INPP4A: variants seen among roughly 807,000 people sequenced by gnomAD.
The protein encoded by INPP4A is inositol polyphosphate-4-phosphatase type I A, also known as inositol polyphosphate-4-phosphatase, type I, 107kD.
INPP4A carries 33 observed loss-of-function variants against 119.8 expected under a neutral mutation model. That is an observed-to-expected ratio of 0.28 (90% CI 0.21 to 0.37). The LOEUF is 0.37. Ranked by LOEUF, INPP4A falls within the 10% of genes least tolerant of loss-of-function variation. The pLI is 1.00. For missense variants in INPP4A, 956 were observed against 1,289.9 expected, an observed-to-expected ratio of 0.74 and a Z score of 3.97; for synonymous variants, 496 against 500.7, an observed-to-expected ratio of 0.99 and a Z score of 0.12.
chr2:98,583,578 A>G (rs529230015), intron 24 of INPP4A, among the ~76,000 whole-genome samples: 5 of 152,174 alleles, frequency 3.3e-5, no homozygotes, highest in African/African-American at 7.2e-5. Flanking sequence ...TCCAGTTCAT[A>G]TTATGTTGTG....
At position 98,520,186 on chromosome 2, in the gene INPP4A, G is replaced by A. The variant is rs1686914745; in HGVS notation, c.106+32G>A. On this transcript the variant is annotated intron_variant, in intron 3 of 24. Transcript: ENST00000409851. ...CTCACAGGGCCTGCACCGGGCTCCA[G>A]GTATGAGCTCACAGCACCTGGGCTC... is the stretch of plus-strand genomic sequence containing the variant. The A allele has an allele frequency of 5.3e-6, 8 of 1,505,122 alleles. No homozygotes were observed. The East Asian group carries it at 1.2e-4, about 23-fold the overall frequency. 93.2% of individuals were successfully genotyped at this position (1,505,122 alleles called of 1,614,324 possible).
intron 1 of INPP4A, among the ~76,000 whole-genome samples, chr2:98,488,174 T>C (rs1478763535): frequency 6.6e-6 from 1 of 152,154 alleles, no homozygotes; most frequent in African/African-American, 2.4e-5. Context: ...TTTGAGTACT[T>C]CCTTATTGGC....
In INPP4A at chr2:98,546,177, C is replaced by G; in HGVS notation, c.1054+104C>G. On this transcript the variant is annotated intron_variant, in intron 12 of 24. Coordinates refer to ENST00000409851, the MANE Select transcript of INPP4A (RefSeq NM_001134225.2). This position sits in a 1 kb window ranked among gnomAD's most constrained non-coding sequence, Gnocchi z 4.2. ...ACATCTGCCCATTTCCCTGTGTGCT[C>G]TGGGCGGCTCGGAGGAGAGATTTGT... 1 of 778,852 alleles carries G rather than the reference C, an allele frequency of 1.3e-6. No homozygotes were observed. The highest frequency in any genetic ancestry group is 2.4e-5 in the Admixed American group (1 of 41,420). The allele number at this position is 778,852 out of a possible 1,614,324, so 48.2% of individuals were successfully genotyped here.
intron 3 of INPP4A, among the ~76,000 whole-genome samples, chr2:98,520,391 G>A (rs1686956177): frequency 6.6e-6 from 1 of 152,200 alleles, no homozygotes. Context: ...TTTGGTGGCA[G>A]GGGCACCACC....
At chr2:98,453,408 G>C (rs539361508) in intron 1 of INPP4A, among the ~76,000 whole-genome samples, 16 of 152,204 alleles carry the variant, frequency 1.1e-4, no homozygotes, top group Non-Finnish European at 2.1e-4. Flanking sequence ...ATCCAAGTAC[G>C]TTTCCTATGG....
intron 13 of INPP4A, among the ~76,000 whole-genome samples, chr2:98,550,662 T>C (rs1453625713): frequency 2.0e-5 from 3 of 152,176 alleles, no homozygotes; most frequent in African/African-American, 7.2e-5. Context: ...TAAAACTAGG[T>C]AGTTGAGCAC....
intron 4 of INPP4A, among the ~76,000 whole-genome samples, chr2:98,528,843 C>T (rs1029580833): frequency 1.6e-4 from 24 of 151,928 alleles, no homozygotes; most frequent in African/African-American, 5.1e-4. Flanking sequence ...TTTGGGAGGC[C>T]GAGGCAGGCA....
rs1026153220 is a variant in INPP4A, at chr2:98,536,203, A to G, written c.462A>G (p.Thr154=). The G allele has an allele frequency of 5.0e-6, 8 of 1,597,164 alleles. No individual in the cohort carries two copies. The African/African-American group carries it at 5.4e-5, about 11-fold the overall frequency. Residue 154 remains threonine (T), a synonymous_variant, in exon 7 of 25, where the codon ACA becomes ACG. Coordinates refer to ENST00000409851, the MANE Select transcript of INPP4A (RefSeq NM_001134225.2). ...ACAGGCATCATAGGTTGCATTTAAC[A>G]CTAAGGTTGGTATTCAGTTTTATTC... ...LQDRHHRLHL[T]LRSAESDRVG...
chr2:98,558,294 TC>T (rs1694845569), intron 16 of INPP4A, among the ~76,000 whole-genome samples: 1 of 152,152 alleles, frequency 6.6e-6, no homozygotes, highest in Admixed American at 6.5e-5. Context: ...AAGCTCAGAA[TC>T]CTAGAAGAGG....
In INPP4A at chr2:98,572,912, C is replaced by G. The variant is rs1248307494; in HGVS notation, c.2616C>G (p.Leu872=). Residue 872 remains leucine (L), a synonymous_variant, in exon 23 of 25, where the codon CTC becomes CTG. Transcript: ENST00000409851. ...GGAAGAATAAGAACGTCGACATTCT[C>G]TGGCAAGCTGCTGAGGTACTGGTTA... ...HARKNKNVDI[L]WQAAEICRRL... 4 of 1,571,976 alleles carry G rather than the reference C, an allele frequency of 2.5e-6. No homozygotes were observed. The highest frequency in any genetic ancestry group is 1.4e-5 in the African/African-American group (1 of 73,812).
chr2:98,581,689 C>T, intron 24 of INPP4A: 1 of 1,612,016 alleles, frequency 6.2e-7, no homozygotes, highest in Non-Finnish European at 8.5e-7. Context: ...GCTCTGAGCC[C>T]CAATTTACTG....
chr2:98,567,278 G>A (rs1051623029), intron 21 of INPP4A, among the ~76,000 whole-genome samples: 4 of 152,136 alleles, frequency 2.6e-5, no homozygotes, highest in Non-Finnish European at 5.9e-5. Flanking sequence ...TCAGTGGAAG[G>A]GTTTGGTCTT....
chr2:98,530,164 ACAT>A lies in INPP4A; in HGVS notation c.152-3210_152-3208del, dbSNP rs1688946805. Reference sequence around the variant, plus strand: ...AAATCTTTTTCTAGATAAATAACAAACATCAAATCTACCATAAGGACAACTAGA... The same window carrying A: ...AAATCTTTTTCTAGATAAATAACAAACAAATCTACCATAAGGACAACTAGA... On this transcript the variant is annotated intron_variant, in intron 4 of 24. Coordinates refer to ENST00000409851, the MANE Select transcript of INPP4A (RefSeq NM_001134225.2). Among the ~76,000 whole-genome samples, 5 of 152,070 alleles carry A rather than the reference ACAT, an allele frequency of 3.3e-5. No individual in the cohort carries two copies. In the South Asian group the frequency reaches 1.0e-3, roughly 32 times the overall value.
At chr2:98,512,959 A>G (rs1685411311) in intron 1 of INPP4A, among the ~76,000 whole-genome samples, 1 of 152,056 alleles carries the variant, frequency 6.6e-6, no homozygotes, top group Admixed American at 6.5e-5. Flanking sequence ...TTGTTTTTGT[A>G]TTTTATGCTA....
chr2:98,563,562 C>A lies in INPP4A; in HGVS notation c.1953C>A (p.Leu651=). The A allele has an allele frequency of 3.1e-6, 5 of 1,613,858 alleles. No homozygotes were observed. The highest frequency in any genetic ancestry group is 3.4e-6 in the Non-Finnish European group (4 of 1,179,848). Residue 651 remains leucine (L), a synonymous_variant, in exon 18 of 25, where the codon CTC becomes CTA. Transcript: ENST00000409851. ...DKAKKAMVFL[L]MQDSAPTIAT... The stretch of plus-strand genomic sequence containing the variant: ...CCAAGAAGGCCATGGTATTCCTGCT[C>A]ATGCAGGACAGCGCGCCCACCATAG...
intron 17 of INPP4A, 96 bp downstream of exon 17, chr2:98,559,591 C>T: frequency 7.6e-7 from 1 of 1,321,174 alleles, no homozygotes. Flanking sequence ...CCTTATGATC[C>T]CAGAGTTGGG....
At position 98,566,240 on chromosome 2, in the gene INPP4A, C is replaced by G; in HGVS notation, c.2420+71C>G. The G allele has an allele frequency of 7.0e-7, 1 of 1,427,578 alleles. No individual in the cohort carries two copies. Among genetic ancestry groups the G allele is most frequent in the South Asian group, 1.4e-5 (1 of 68,978 alleles). 88.4% of individuals were successfully genotyped at this position (1,427,578 alleles called of 1,614,324 possible). A position where few individuals can be genotyped will look rare whatever the true frequency, so the allele number is the denominator to read the frequency against. On this transcript the variant is annotated intron_variant, in intron 21 of 24. Coordinates refer to ENST00000409851, the MANE Select transcript of INPP4A (RefSeq NM_001134225.2). The surrounding 1 kb of genome is among the most constrained non-coding windows in gnomAD (Gnocchi z 4.2). The stretch of plus-strand genomic sequence containing the variant: ...GATGATGCAGAAAACGTACTTACCC[C>G]TCTTCAGGCTCTAAGTGCTGGACAG...
intron 1 of INPP4A, among the ~76,000 whole-genome samples, chr2:98,459,124 T>A (rs1012744530): frequency 5.3e-5 from 8 of 152,244 alleles, no homozygotes; most frequent in Admixed American, 1.3e-4. Flanking sequence ...GAAATGCCGC[T>A]CACTCATGAG....
chr2:98,504,747 G>A (rs750144520), intron 1 of INPP4A, among the ~76,000 whole-genome samples: 2 of 152,196 alleles, frequency 1.3e-5, no homozygotes, highest in Non-Finnish European at 2.9e-5. Context: ...CTTTCCTAGT[G>A]CTTAGAAAAA....
Sources: allele counts gnomAD v4.1 joint callset (sites outside exome capture counted in the v4.1 genomes callset), GRCh38; gene constraint gnomAD v4.1.1; non-coding constraint Gnocchi (gnomAD v3.1); transcripts MANE v1.5; gene names NCBI Gene and HGNC (gene_info 2026-07-23, HGNC 2026-07-21).